PCDHA7: variants seen among roughly 807,000 people sequenced by gnomAD.
PCDHA7 encodes protocadherin alpha-7.
A neutral mutation model predicts 57.2 loss-of-function variants in PCDHA7; 37 were observed. That is an observed-to-expected ratio of 0.65 (90% CI 0.50 to 0.85). The LOEUF is 0.85. PCDHA7 is among the 40% of genes least tolerant of loss of function. The pLI, the probability that PCDHA7 is intolerant of heterozygous loss-of-function variation, is 0.00. For missense variants in PCDHA7, 1,188 were observed against 1,241.8 expected (o/e 0.96, Z 0.65); for synonymous variants, 553 against 558.8 (o/e 0.99, Z 0.15).
intron 3 of PCDHA7, among the ~76,000 whole-genome samples, chr5:141,008,297 A>G (rs2098368469): frequency 6.6e-6 from 1 of 152,178 alleles, no homozygotes; most frequent in South Asian, 2.1e-4. Context: ...GTTGTACCCA[A>G]CCCTAAACTG....
chr5:140,908,904 G>A (rs1467772032), intron 1 of PCDHA7, among the ~76,000 whole-genome samples: 2 of 152,194 alleles, frequency 1.3e-5, no homozygotes, highest in Non-Finnish European at 1.5e-5. Flanking sequence ...AGCCTCTTTC[G>A]TGGTTGTAGG....
chr5:140,853,625 A>G (rs1195027874), intron 1 of PCDHA7: 1 of 988,416 alleles, frequency 1.0e-6, no homozygotes, highest in African/African-American at 1.8e-5. Context: ...ATAAGTATAC[A>G]AGATCACAGA....
intron 1 of PCDHA7, among the ~76,000 whole-genome samples, chr5:140,921,904 T>A (rs1554200513): frequency 1.3e-5 from 2 of 151,968 alleles, no homozygotes; most frequent in African/African-American, 4.8e-5. Flanking sequence ...GATAAATATA[T>A]ATTACATGAT....
intron 1 of PCDHA7, chr5:140,966,634 G>A: frequency 9.8e-7 from 1 of 1,022,982 alleles, no homozygotes; most frequent in Non-Finnish European, 1.3e-6. Flanking sequence ...GGCCCCAGGC[G>A]CTTTCTAGAG....
Position 141,011,614 on chromosome 5 carries a change from T to C in PCDHA7, c.*1677T>C, listed in dbSNP as rs1268321894. On this transcript the variant is annotated 3_prime_UTR_variant, in exon 4 of 4. Transcript: ENST00000525929. ...GTGATTCAAGGAATTTTATTTATGG[T>C]CCAGCCAAGAGCCATCTCGTGCCAA... 5 of 153,774 alleles carry C rather than the reference T, an allele frequency of 3.3e-5. No individual in the cohort carries two copies. Among genetic ancestry groups the C allele is most frequent in the African/African-American group, 1.2e-4 (5 of 41,460 alleles). 9.5% of individuals were successfully genotyped at this position (153,774 alleles called of 1,614,324 possible). A position where few individuals can be genotyped will look rare whatever the true frequency, so the allele number is the denominator to read the frequency against.
In PCDHA7 at chr5:140,937,565, T is replaced by C. The variant is rs528061401; in HGVS notation, c.2356-41384T>C. ...CTGCGAGGCAGAGGTTGCAGTGAGC[T>C]GGGATCGCGTCACTGCACTCTAGCC... On this transcript the variant is annotated intron_variant, in intron 1 of 3. Transcript: ENST00000525929. Among the ~76,000 whole-genome samples the C allele has an allele frequency of 1.9e-3, 290 of 151,276 alleles. 1 individual carries two copies. The highest frequency in any genetic ancestry group is 6.8e-3 in the African/African-American group (279 of 40,958).
intron 1 of PCDHA7, chr5:140,863,004 GC>G (rs781788283): frequency 1.8e-6 from 1 of 551,012 alleles, no homozygotes; most frequent in Non-Finnish European, 3.6e-6. Context: ...GTGGACTCCA[GC>G]TATGACGCCT....
chr5:140,985,226 C>T (rs1319001576), intron 3 of PCDHA7, among the ~76,000 whole-genome samples: 6 of 152,126 alleles, frequency 3.9e-5, no homozygotes, highest in Admixed American at 6.5e-5. Flanking sequence ...CGTGAGCCAC[C>T]GCGCCTGGCC....
chr5:140,877,090 G>T lies in PCDHA7; in HGVS notation c.2355+40352G>T, dbSNP rs201209762. ...GCAGTTCCAGGTGAGCGCGCGCGAC[G>T]CCGGCGTGCCGCCTCTGGGCAGCAA... is the stretch of plus-strand genomic sequence containing the variant. On this transcript the variant is annotated intron_variant, in intron 1 of 3. Coordinates refer to ENST00000525929, the MANE Select transcript of PCDHA7 (RefSeq NM_018910.3). 4,655 of 1,613,184 alleles carry T rather than the reference G, an allele frequency of 2.9e-3. 21 individuals are homozygous for T. Among genetic ancestry groups the T allele is most frequent in the African/African-American group, 0.01 (785 of 75,036 alleles).
At chr5:140,930,258 ATTTCT>A (rs1398620749) in intron 1 of PCDHA7, 6 of 152,342 alleles carry the variant, frequency 3.9e-5, no homozygotes, top group African/African-American at 1.4e-4. Flanking sequence ...CTTGGATTTA[ATTTCT>A]TTTATTTTAG....
At chr5:140,881,944 A>C in intron 1 of PCDHA7, 1 of 302,118 alleles carries the variant, frequency 3.3e-6, no homozygotes, top group East Asian at 5.9e-5. Flanking sequence ...GTTTCTGGGA[A>C]GGTAAACATT....
rs1015706913 is a variant in PCDHA7, at chr5:140,985,292, T to C, written c.2503+2729T>C. 2.0e-5 allele frequency among the ~76,000 whole-genome samples: 3 copies of C among 152,294 alleles called. No homozygotes were observed. The East Asian group carries it at 5.8e-4, about 29-fold the overall frequency. ...TACTTTTCTGCAATCTATGATATAG[T>C]GTTGGCTGATAGCCTGGTGGCCAGA... On this transcript the variant is annotated intron_variant, in intron 3 of 3. Transcript: ENST00000525929.
intron 1 of PCDHA7, chr5:140,927,041 T>C: frequency 6.2e-7 from 1 of 1,612,456 alleles, no homozygotes; most frequent in South Asian, 1.1e-5. Flanking sequence ...GCGGCCGCTA[T>C]GTCCTCGCGG....
chr5:140,884,385 C>T (rs1554181508), intron 1 of PCDHA7: 1 of 1,613,992 alleles, frequency 6.2e-7, no homozygotes, highest in Non-Finnish European at 8.5e-7. Context: ...GCCATCTGCG[C>T]GGTGTCCAGC....
At chr5:140,926,196 T>C (rs1175807987) in intron 1 of PCDHA7, among the ~76,000 whole-genome samples, 1 of 151,596 alleles carries the variant, frequency 6.6e-6, no homozygotes, top group Non-Finnish European at 1.5e-5. Context: ...CAGCACTTCT[T>C]TCGGGGGGCT....
chr5:140,898,118 A>T (rs2153459272), intron 1 of PCDHA7, among the ~76,000 whole-genome samples: 1 of 151,730 alleles, frequency 6.6e-6, no homozygotes, highest in Non-Finnish European at 1.5e-5. Context: ...GGTTGCGAAA[A>T]TTTTCTCCCA....
intron 1 of PCDHA7, chr5:140,867,192 C>T (rs2049812222): frequency 1.3e-5 from 2 of 152,080 alleles, no homozygotes; most frequent in African/African-American, 4.8e-5. Flanking sequence ...CGCAAGACTC[C>T]ACATTCCATG....
At chr5:140,966,593 A>G in intron 1 of PCDHA7, 1 of 595,648 alleles carries the variant, frequency 1.7e-6, no homozygotes, top group Non-Finnish European at 2.6e-6. Context: ...CGGTGGGGCC[A>G]GGAGCCCTTG....
intron 1 of PCDHA7, among the ~76,000 whole-genome samples, chr5:140,837,511 G>C: frequency 1.0e-5 from 1 of 96,668 alleles, no homozygotes; most frequent in Non-Finnish European, 2.1e-5. Context: ...TTCTGAAGCA[G>C]TTTACTTTTT....
Sources: allele counts gnomAD v4.1 joint callset (sites outside exome capture counted in the v4.1 genomes callset), GRCh38; gene constraint gnomAD v4.1.1; transcripts MANE v1.5; gene names NCBI Gene and HGNC (gene_info 2026-07-23, HGNC 2026-07-21).